Variants in SRRM4 observed in about 807,000 individuals in gnomAD.
The protein encoded by SRRM4 is serine/arginine repetitive matrix protein 4.
In SRRM4, 33 loss-of-function variants were observed where a neutral mutation model predicts 68.9. The observed-to-expected ratio is 0.48, with a 90% confidence interval of 0.36 to 0.64. SRRM4 has a LOEUF of 0.64. Ranked by LOEUF, SRRM4 falls within the 30% of genes least tolerant of loss-of-function variation. The pLI is 0.00. For missense variants in SRRM4, 817 were observed against 827.1 expected, an observed-to-expected ratio of 0.99 and a Z score of 0.15; for synonymous variants, 318 against 318.8, an observed-to-expected ratio of 1.00 and a Z score of 0.03.
chr12:118,998,334 A>AGTTGTG (rs1953362739), intron 1 of SRRM4, among the ~76,000 whole-genome samples: 2 of 144,200 alleles, frequency 1.4e-5, no homozygotes, highest in Admixed American at 1.4e-4. Flanking sequence ...ACCAATTGGT[A>AGTTGTG]GTTGTGGTCT....
At chr12:119,143,811 G>C (rs1305695994) in intron 8 of SRRM4, among the ~76,000 whole-genome samples, 1 of 152,142 alleles carries the variant, frequency 6.6e-6, no homozygotes, top group East Asian at 1.9e-4. Flanking sequence ...TGGGATCTCA[G>C]GTACCCAGAG....
chr12:119,025,437 TTTGTTTG>T lies in SRRM4; in HGVS notation c.131+43427_131+43433del, dbSNP rs372766807. 3.5e-3 allele frequency among the ~76,000 whole-genome samples: 521 copies of T among 148,764 alleles called. 6 individuals are homozygous for T. The highest frequency in any genetic ancestry group is 0.012 in the African/African-American group (485 of 40,032). ...ACTGCTCATATATGGAGTTTTTTTT[TTTGTTTG>T]TTTGTTTGTTTGTTCTTGAGACTGA... On this transcript the variant is annotated intron_variant, in intron 1 of 12. Transcript: ENST00000267260.
chr12:119,044,231 A>G (rs11064646), intron 1 of SRRM4, among the ~76,000 whole-genome samples: 90,794 of 151,966 alleles, frequency 0.6, 28,287 homozygotes, highest in Middle Eastern at 0.74. Context: ...CTATTTTCCA[A>G]CCCAGGAAGA....
At chr12:119,113,121 T>C (rs1017152571) in intron 2 of SRRM4, among the ~76,000 whole-genome samples, 5 of 152,212 alleles carry the variant, frequency 3.3e-5, no homozygotes, top group Non-Finnish European at 5.9e-5. Flanking sequence ...GAAAATATTA[T>C]AAATATAGCT....
intron 8 of SRRM4, among the ~76,000 whole-genome samples, chr12:119,132,057 A>C (rs2136058601): frequency 6.6e-6 from 1 of 152,268 alleles, no homozygotes; most frequent in East Asian, 1.9e-4. Context: ...ACCCAGCATA[A>C]CCAAGGTCTA....
In SRRM4 at chr12:119,019,955, C is replaced by T. The variant is rs565551177; in HGVS notation, c.131+37942C>T. 4.0e-4 allele frequency among the ~76,000 whole-genome samples: 31 copies of T among 78,000 alleles called. 1 individual carries two copies. Among genetic ancestry groups the T allele is most frequent in the African/African-American group, 1.1e-3 (28 of 24,554 alleles). 51.2% of individuals were successfully genotyped at this position (78,000 alleles called of 152,430 possible). A position where few individuals can be genotyped will look rare whatever the true frequency, so the allele number is the denominator to read the frequency against. On this transcript the variant is annotated intron_variant, in intron 1 of 12. Transcript: ENST00000267260. ...TCTGGACAGTTCCCCCCGCTCCCCC[C>T]CCCCCCAAAAAAAAATCACACACAT...
intron 2 of SRRM4, among the ~76,000 whole-genome samples, chr12:119,108,084 T>C (rs569809887): frequency 1.2e-4 from 18 of 152,252 alleles, no homozygotes; most frequent in Non-Finnish European, 2.4e-4. Context: ...CCAGTAGTCA[T>C]TCAGGAGCAG....
At chr12:119,075,968 G>A (rs60830854) in intron 1 of SRRM4, among the ~76,000 whole-genome samples, 129,412 of 148,714 alleles carry the variant, frequency 0.87, 56,590 homozygotes, top group Middle Eastern at 0.95. Flanking sequence ...GATGGTGGTG[G>A]TGGTGATGGT....
chr12:119,003,358 C>T (rs1953397637), intron 1 of SRRM4, among the ~76,000 whole-genome samples: 1 of 151,848 alleles, frequency 6.6e-6, no homozygotes, highest in African/African-American at 2.4e-5. Context: ...GAGCCTCAGC[C>T]CCCAGGGCTC....
chr12:119,114,483 C>T, intron 3 of SRRM4, 119 bp downstream of exon 3: 5 of 735,622 alleles, frequency 6.8e-6, no homozygotes, highest in Middle Eastern at 2.7e-4. Context: ...GCTTAACTAG[C>T]TGTGTGACCT....
chr12:119,016,130 C>T (rs1953479585), intron 1 of SRRM4, among the ~76,000 whole-genome samples: 1 of 152,088 alleles, frequency 6.6e-6, no homozygotes, highest in South Asian at 2.1e-4. Context: ...AATGATGCTG[C>T]CACAAACCTA....
intron 1 of SRRM4, among the ~76,000 whole-genome samples, chr12:119,101,547 T>C (rs1290740275): frequency 1.3e-5 from 2 of 151,968 alleles, no homozygotes; most frequent in Non-Finnish European, 2.9e-5. Flanking sequence ...CCTTTCTGCT[T>C]GTATATTTTA....
intron 1 of SRRM4, among the ~76,000 whole-genome samples, chr12:119,005,714 G>A (rs1953412033): frequency 6.6e-6 from 1 of 152,182 alleles, no homozygotes; most frequent in Non-Finnish European, 1.5e-5. Context: ...TTAAAGCAGT[G>A]CCTATCACAG....
intron 1 of SRRM4, among the ~76,000 whole-genome samples, chr12:119,095,814 G>T (rs1954040495): frequency 6.6e-6 from 1 of 151,576 alleles, no homozygotes; most frequent in Admixed American, 6.6e-5. Flanking sequence ...ACAGAAATTA[G>T]CCAAGCGTGG....
chr12:119,048,552 C>T (rs147124923), intron 1 of SRRM4, among the ~76,000 whole-genome samples: 18 of 152,244 alleles, frequency 1.2e-4, no homozygotes, highest in African/African-American at 4.3e-4. Flanking sequence ...CAAATCCTGC[C>T]ACCAGCTCCC....
intron 1 of SRRM4, among the ~76,000 whole-genome samples, chr12:119,051,218 G>A (rs1953740378): frequency 6.6e-6 from 1 of 152,174 alleles, no homozygotes; most frequent in African/African-American, 2.4e-5. Context: ...GCCTCCAGGA[G>A]AGCCCAAAGA....
Position 119,052,208 on chromosome 12 carries a change from C to T in SRRM4, c.132-50028C>T, listed in dbSNP as rs531683053. 9.9e-5 allele frequency among the ~76,000 whole-genome samples: 15 copies of T among 152,226 alleles called. No homozygotes were observed. The East Asian group carries it at 1.5e-3, about 16-fold the overall frequency. On this transcript the variant is annotated intron_variant, in intron 1 of 12. Transcript: ENST00000267260. Reference sequence around the variant, plus strand: ...CACCTGCTGTGTTTAGAATAATCACCGTGGCAACTGTGGCTGCTCTCGTGG... The same window carrying T: ...CACCTGCTGTGTTTAGAATAATCACTGTGGCAACTGTGGCTGCTCTCGTGG...
At chr12:119,115,676 T>A (rs1213530643) in intron 3 of SRRM4, among the ~76,000 whole-genome samples, 1 of 152,246 alleles carries the variant, frequency 6.6e-6, no homozygotes, top group East Asian at 1.9e-4. Context: ...TGCTTTGGAT[T>A]TCCTAATTTG....
chr12:119,070,232 A>C (rs1030611070), intron 1 of SRRM4, among the ~76,000 whole-genome samples: 1 of 147,530 alleles, frequency 6.8e-6, no homozygotes, highest in East Asian at 2.1e-4. Context: ...AAAAAAAAAA[A>C]ACTAGCCACT....
Sources: allele counts gnomAD v4.1 joint callset (sites outside exome capture counted in the v4.1 genomes callset), GRCh38; gene constraint gnomAD v4.1.1; transcripts MANE v1.5; gene names NCBI Gene and HGNC (gene_info 2026-07-23, HGNC 2026-07-21).